Variants in FSTL4 observed in about 807,000 individuals in gnomAD.
FSTL4 encodes follistatin like 4.
Under a neutral mutation model 78.2 loss-of-function variants are expected in FSTL4, and 28 were observed. That is an observed-to-expected ratio of 0.36 (90% CI 0.27 to 0.49). The LOEUF (loss-of-function observed/expected upper bound fraction) is 0.49. Ranked by LOEUF, FSTL4 falls within the 20% of genes least tolerant of loss-of-function variation. The pLI, the probability that FSTL4 is intolerant of heterozygous loss-of-function variation, is 0.98. For synonymous variants in FSTL4, 422 were observed against 440.5 expected (o/e 0.96, Z 0.53); for missense variants, 922 against 1,084.9 (o/e 0.85, Z 2.11).
At chr5:133,796,553 C>T in the FSTL4 span, among the ~76,000 whole-genome samples, 1 of 152,152 alleles carries the variant, frequency 6.6e-6, no homozygotes, top group Non-Finnish European at 1.5e-5. Flanking sequence ...AGATGATCTT[C>T]CCCTGGAGCA....
intron 3 of FSTL4, among the ~76,000 whole-genome samples, chr5:133,407,178 G>C (rs897925118): frequency 6.6e-6 from 1 of 152,196 alleles, no homozygotes; most frequent in Non-Finnish European, 1.5e-5. Flanking sequence ...GGTTTGCAGG[G>C]CTGCAGAAGG....
intron 3 of FSTL4, among the ~76,000 whole-genome samples, chr5:133,504,624 A>G (rs565482766): frequency 1.8e-4 from 27 of 152,292 alleles, no homozygotes; most frequent in African/African-American, 6.0e-4. Context: ...CCTCTACTGC[A>G]TTACCTTGTC....
chr5:133,644,173 C>T, the FSTL4 span, among the ~76,000 whole-genome samples: 3 of 152,102 alleles, frequency 2.0e-5, no homozygotes, highest in Non-Finnish European at 2.9e-5. Context: ...AGAGGAGATG[C>T]GTAATCTGTG....
At chr5:133,365,549 G>GAGGCAGGA (rs1279316136) in intron 4 of FSTL4, among the ~76,000 whole-genome samples, 1 of 152,138 alleles carries the variant, frequency 6.6e-6, no homozygotes, top group Non-Finnish European at 1.5e-5. Flanking sequence ...ACCCCTGCAC[G>GAGGCAGGA]AGGCAGGATG....
intron 3 of FSTL4, among the ~76,000 whole-genome samples, chr5:133,531,305 G>T (rs1759247910): frequency 6.6e-6 from 1 of 152,122 alleles, no homozygotes; most frequent in South Asian, 2.1e-4. Context: ...GCATGAAAGG[G>T]GAGGAAGTGA....
intron 4 of FSTL4, among the ~76,000 whole-genome samples, chr5:133,358,997 T>C (rs985320705): frequency 6.6e-6 from 1 of 152,208 alleles, no homozygotes; most frequent in Non-Finnish European, 1.5e-5. Context: ...TGGTTACCCA[T>C]GTGGAAATTC....
chr5:133,646,216 C>T, the FSTL4 span, among the ~76,000 whole-genome samples: 2 of 152,108 alleles, frequency 1.3e-5, no homozygotes, highest in African/African-American at 2.4e-5. Flanking sequence ...GAGGAGGTGA[C>T]CTCTGAGCTT....
intron 6 of FSTL4, among the ~76,000 whole-genome samples, chr5:133,276,312 C>T (rs866961340): frequency 1.3e-5 from 2 of 152,170 alleles, no homozygotes; most frequent in Non-Finnish European, 2.9e-5. Context: ...AGGGAGGGCA[C>T]GCGTAGGTGG....
intron 2 of FSTL4, among the ~76,000 whole-genome samples, chr5:133,597,005 C>A (rs1299174888): frequency 6.6e-6 from 1 of 152,122 alleles, no homozygotes; most frequent in East Asian, 1.9e-4. Context: ...GCTTCTCAGC[C>A]ACCTGGCCAC....
intron 4 of FSTL4, among the ~76,000 whole-genome samples, chr5:133,352,269 C>CATATATATACACACAT (rs1561682854): frequency 4.0e-5 from 3 of 74,772 alleles, no homozygotes; most frequent in Admixed American, 1.3e-4. Context: ...TATATACACA[C>CATATATATACACACAT]ATATATATAT....
intron 6 of FSTL4, among the ~76,000 whole-genome samples, chr5:133,270,429 T>C (rs1752742753): frequency 6.6e-6 from 1 of 152,230 alleles, no homozygotes; most frequent in African/African-American, 2.4e-5. Flanking sequence ...CTGGGATCCT[T>C]TCCTCCCCAT....
At chr5:133,716,432 A>C in the FSTL4 span, among the ~76,000 whole-genome samples, 1 of 151,760 alleles carries the variant, frequency 6.6e-6, no homozygotes, top group South Asian at 2.1e-4. Context: ...TCAAGACTTA[A>C]CATGGCAGAA....
chr5:133,685,868 C>T, the FSTL4 span, among the ~76,000 whole-genome samples: 1 of 152,258 alleles, frequency 6.6e-6, no homozygotes, highest in Non-Finnish European at 1.5e-5. Context: ...AGCCGTGTCC[C>T]TGAGGCTTAT....
chr5:133,818,646 G>T, the FSTL4 span, among the ~76,000 whole-genome samples: 1 of 151,914 alleles, frequency 6.6e-6, no homozygotes, highest in East Asian at 1.9e-4. Flanking sequence ...AGTGCATTGT[G>T]ATAGCTGCAT....
At chr5:133,321,604 G>A (rs1195814055) in intron 4 of FSTL4, among the ~76,000 whole-genome samples, 1 of 152,196 alleles carries the variant, frequency 6.6e-6, no homozygotes, top group Non-Finnish European at 1.5e-5. Flanking sequence ...CTAGCACTTT[G>A]GGAGGCCGAG....
rs146967839 is a variant in FSTL4 at position 133,321,783 on chromosome 5, A to G, written c.410-5131T>C. 2.6e-5 allele frequency among the ~76,000 whole-genome samples: 4 copies of G among 152,188 alleles called. No individual in the cohort carries two copies. In the East Asian group the frequency reaches 7.7e-4, roughly 29 times the overall value. ...CAGCATTGATTAATCCGGAGGCATG[A>G]CTCTTCCAGAGAAAAGGTGGGATGC... On this transcript the variant is annotated intron_variant, in intron 4 of 15. Coordinates refer to ENST00000265342, the MANE Select transcript of FSTL4 (RefSeq NM_015082.2).
the FSTL4 span, among the ~76,000 whole-genome samples, chr5:133,836,719 T>C: frequency 6.6e-6 from 1 of 152,242 alleles, no homozygotes; most frequent in African/African-American, 2.4e-5. Flanking sequence ...TCACTGGATA[T>C]AGAATTCTGT....
intron 3 of FSTL4, among the ~76,000 whole-genome samples, chr5:133,517,558 C>G (rs1363040304): frequency 4.4e-5 from 6 of 135,564 alleles, no homozygotes; most frequent in Non-Finnish European, 9.3e-5. Flanking sequence ...TAAACATTTA[C>G]ATAATTTTTG....
chr5:133,629,339 A>G, the FSTL4 span, among the ~76,000 whole-genome samples: 3 of 152,198 alleles, frequency 2.0e-5, no homozygotes, highest in Non-Finnish European at 2.9e-5. Flanking sequence ...ACAGAAATAC[A>G]AACTACCATC....
Sources: allele counts gnomAD v4.1 joint callset (sites outside exome capture counted in the v4.1 genomes callset), GRCh38; gene constraint gnomAD v4.1.1; transcripts MANE v1.5; gene names NCBI Gene and HGNC (gene_info 2026-07-23, HGNC 2026-07-21).